The following CECR2 variants were observed in gnomAD, a reference collection of about 807,000 sequenced individuals.
The protein encoded by CECR2 is CECR2 histone acetyl-lysine reader.
A neutral mutation model predicts 154.5 loss-of-function variants in CECR2; 30 were observed. That is an observed-to-expected ratio of 0.19 (90% CI 0.15 to 0.26). The LOEUF (loss-of-function observed/expected upper bound fraction) is 0.26. Among genes scored for constraint, CECR2 ranks in the 10% least tolerant of loss-of-function variants. The pLI is 1.00. For synonymous variants in CECR2, 725 were observed against 683.7 expected (o/e 1.06, Z -0.94); for missense variants, 1,743 against 1,829.3 (o/e 0.95, Z 0.86).
chr22:17,401,837 C>G (rs982887678), intron 1 of CECR2, among the ~76,000 whole-genome samples: 15 of 141,934 alleles, frequency 1.1e-4, no homozygotes, highest in Admixed American at 9.2e-4. Context: ...CACCCCCCCC[C>G]GCCCCCGCTG....
chr22:17,522,105 G>T (rs1000772740), intron 8 of CECR2, among the ~76,000 whole-genome samples: 5 of 152,024 alleles, frequency 3.3e-5, no homozygotes, highest in Admixed American at 6.6e-5. Context: ...TGTTCCATTG[G>T]TCTATATCTC....
rs757893194 is a variant in CECR2, at chr22:17,542,218, T to C, written c.2075T>C (p.Met692Thr). Residue 692 changes from methionine to threonine, a missense_variant, in exon 16 of 19, where the codon ATG (methionine) becomes ACG (threonine). Met to Thr is a moderately conservative substitution (Grantham distance 81, BLOSUM62 -1). Around this residue, in one of 4 missense-constraint regions of CECR2, gnomAD observed 1,250 missense variants for 1,192.1 expected, o/e 1.05. Transcript: ENST00000262608. ...CTAGGCACACCAGAGGAGAAGCAAA[T>C]GTGCGGGGGGCTGACACACCTTTCT... The part of the protein sequence containing the change: ...PRLGTPEEKQ[M>T]CGGLTHLSNM... The C allele has an allele frequency of 1.9e-5, 30 of 1,612,178 alleles. No individual in the cohort carries two copies. Among genetic ancestry groups the C allele is most frequent in the Non-Finnish European group, 2.5e-5 (29 of 1,179,172 alleles).
chr22:17,393,270 G>A (rs1282312137), intron 1 of CECR2, among the ~76,000 whole-genome samples: 1 of 152,088 alleles, frequency 6.6e-6, no homozygotes, highest in African/African-American at 2.4e-5. Flanking sequence ...GAATCATGTA[G>A]TATGTGCCCC....
intron 1 of CECR2, among the ~76,000 whole-genome samples, chr22:17,406,604 A>G (rs548232266): frequency 2.0e-5 from 3 of 152,182 alleles, no homozygotes; most frequent in Non-Finnish European, 4.4e-5. Context: ...ATAAATGTCA[A>G]TTCAGAGACT....
At chr22:17,421,532 G>C (rs1195644367) in intron 1 of CECR2, among the ~76,000 whole-genome samples, 3 of 144,708 alleles carry the variant, frequency 2.1e-5, no homozygotes, top group East Asian at 2.1e-4. Context: ...GGAGAATGGC[G>C]TGAACCCGGG....
chr22:17,410,564 C>T (rs578183969), intron 1 of CECR2, among the ~76,000 whole-genome samples: 28 of 152,270 alleles, frequency 1.8e-4, no homozygotes, highest in African/African-American at 6.7e-4. Flanking sequence ...TCTCCTGCCT[C>T]AGCCTCCTGA....
chr22:17,510,897 A>G (rs9618039), intron 7 of CECR2, among the ~76,000 whole-genome samples: 9,819 of 152,098 alleles, frequency 0.065, 561 homozygotes, highest in African/African-American at 0.15. Context: ...GAGCCACCCC[A>G]CCCAGCCCGA....
At chr22:17,491,273 G>A (rs912981954) in intron 2 of CECR2, among the ~76,000 whole-genome samples, 5 of 152,062 alleles carry the variant, frequency 3.3e-5, no homozygotes, top group Admixed American at 6.6e-5. Flanking sequence ...GCAACTTGGC[G>A]AAACTTCCAC....
Position 17,391,253 on chromosome 22 carries a change from T to G in CECR2, c.126+21344T>G, listed in dbSNP as rs2063322854. Reference sequence around the variant, plus strand: ...TTGTCCCCACAGTGTCTTTTATAGATGTACCACACCTCCATCCTGGTTTAC... The same window carrying G: ...TTGTCCCCACAGTGTCTTTTATAGAGGTACCACACCTCCATCCTGGTTTAC... On this transcript the variant is annotated intron_variant, in intron 1 of 18. Coordinates refer to ENST00000262608, the MANE Select transcript of CECR2 (RefSeq NM_001290047.2). Among the ~76,000 whole-genome samples the G allele has an allele frequency of 2.0e-5, 3 of 152,248 alleles. No homozygotes were observed. The South Asian group carries it at 6.2e-4, about 32-fold the overall frequency.
intron 14 of CECR2, 98 bp from the exon 15 acceptor site, chr22:17,541,741 A>G: frequency 7.0e-7 from 1 of 1,430,968 alleles, no homozygotes; most frequent in South Asian, 1.4e-5. Flanking sequence ...CGTCTGTTTT[A>G]TTTTAGTAGA....
intron 6 of CECR2, 57 bp from the exon 7 acceptor site, chr22:17,504,790 A>G (rs542341807): frequency 6.0e-6 from 9 of 1,492,648 alleles, no homozygotes; most frequent in East Asian, 2.3e-5. Context: ...ATTGAGAATA[A>G]ATAAGGAAAG....
At chr22:17,504,162 A>G (rs2055791479) in intron 6 of CECR2, among the ~76,000 whole-genome samples, 1 of 152,016 alleles carries the variant, frequency 6.6e-6, no homozygotes, top group Admixed American at 6.5e-5. Flanking sequence ...ACTTGAGCTC[A>G]GGAATTAGAG....
chr22:17,410,006 G>C lies in CECR2; in HGVS notation c.126+40097G>C, dbSNP rs895496241. On this transcript the variant is annotated intron_variant, in intron 1 of 18. Coordinates refer to ENST00000262608, the MANE Select transcript of CECR2 (RefSeq NM_001290047.2). ...TATTTATTTATTTATTTTTGAGACA[G>C]AGTCTCACTCTGTCACCCAGGCTGG... 1.9e-5 allele frequency among the ~76,000 whole-genome samples: 2 copies of C among 106,336 alleles called. 1 individual carries two copies. The highest frequency in any genetic ancestry group is 4.3e-5 in the Non-Finnish European group (2 of 46,938). 69.8% of individuals were successfully genotyped at this position (106,336 alleles called of 152,430 possible). A position where few individuals can be genotyped will look rare whatever the true frequency, so the allele number is the denominator to read the frequency against.
At chr22:17,402,024 C>T (rs1183336323) in intron 1 of CECR2, among the ~76,000 whole-genome samples, 3 of 152,146 alleles carry the variant, frequency 2.0e-5, no homozygotes, top group African/African-American at 7.2e-5. Context: ...CGCTCTTTTG[C>T]CCAGGCTAGA....
intron 3 of CECR2, among the ~76,000 whole-genome samples, chr22:17,498,876 A>G (rs2055682638): frequency 6.6e-6 from 1 of 152,208 alleles, no homozygotes; most frequent in Admixed American, 6.5e-5. Flanking sequence ...GATAGGGAGC[A>G]TTGTAATATT....
rs932749882 is a variant in CECR2, at chr22:17,558,124, T to C, written c.*5284T>C. The C allele has an allele frequency of 2.6e-5, 4 of 152,242 alleles. No homozygotes were observed. The allele number at this position is 152,242 out of a possible 1,614,324, so 9.4% of individuals were successfully genotyped here. A position where few individuals can be genotyped will look rare whatever the true frequency, so the allele number is the denominator to read the frequency against. On this transcript the variant is annotated 3_prime_UTR_variant, in exon 19 of 19. Coordinates refer to ENST00000262608, the MANE Select transcript of CECR2 (RefSeq NM_001290047.2). ...TTATTTCCATATGAACTGGTTATTT[T>C]GTATAAAGTACATGCTTAAAATAGC...
At chr22:17,509,747 C>G (rs1235133923) in intron 7 of CECR2, among the ~76,000 whole-genome samples, 1 of 152,150 alleles carries the variant, frequency 6.6e-6, no homozygotes, top group East Asian at 1.9e-4. Context: ...ACTACTCGGT[C>G]CTCTCCCATT....
chr22:17,510,756 C>T (rs772665401), intron 7 of CECR2, among the ~76,000 whole-genome samples: 7 of 152,142 alleles, frequency 4.6e-5, no homozygotes, highest in Non-Finnish European at 1.0e-4. Flanking sequence ...CACGCACCAC[C>T]ATGCCTGGCT....
chr22:17,524,126 T>C lies in CECR2; in HGVS notation c.963T>C (p.Pro321=), dbSNP rs1471627229. Residue 321 remains proline, a synonymous_variant, in exon 9 of 19, where the codon CCT becomes CCC. Coordinates refer to ENST00000262608, the MANE Select transcript of CECR2 (RefSeq NM_001290047.2). The stretch of plus-strand genomic sequence containing the variant: ...TCATTGGCTCCTCACAGGAGACTCC[T>C]GTGCTGACCAGAATAGAAAAACAAA... ...SIKPVKQEET[P]VLTRIEKQKR... 2 of 1,587,010 alleles carry C rather than the reference T, an allele frequency of 1.3e-6. No individual in the cohort carries two copies. The highest frequency in any genetic ancestry group is 1.8e-5 in the Admixed American group (1 of 55,122).
Sources: allele counts gnomAD v4.1 joint callset (sites outside exome capture counted in the v4.1 genomes callset), GRCh38; gene constraint gnomAD v4.1.1; regional missense constraint gnomAD v4.1.1; transcripts MANE v1.5; gene names NCBI Gene and HGNC (gene_info 2026-07-23, HGNC 2026-07-21).